Variants in TNXB observed in about 807,000 individuals in gnomAD.
The protein encoded by TNXB is tenascin XB.
In TNXB, 183 loss-of-function variants were observed where a neutral mutation model predicts 340.5. That is an observed-to-expected ratio of 0.54 (90% CI 0.48 to 0.61). The LOEUF is 0.61. Among genes scored for constraint, TNXB ranks in the 20% least tolerant of loss-of-function variants. The pLI, the probability that TNXB is intolerant of heterozygous loss-of-function variation, is 0.00. For synonymous variants in TNXB, 2,121 were observed against 2,314.5 expected (o/e 0.92, Z 2.40); for missense variants, 4,613 against 5,446.4 (o/e 0.85, Z 4.82).
chr6:32,043,934 G>A, intron 34 of TNXB, 42 bp from the exon 35 acceptor site: 1 of 1,612,868 alleles, frequency 6.2e-7, no homozygotes. Context: ...GGAACCCCAG[G>A]GCAGCTGGAG....
chr6:32,064,805 C>A lies in TNXB; in HGVS notation c.6841+16G>T. On this transcript the variant is annotated intron_variant, in intron 19 of 43. Transcript: ENST00000644971. The surrounding 1 kb of genome is among the most constrained non-coding windows in gnomAD (Gnocchi z 5.3). The stretch of plus-strand genomic sequence containing the variant: ...TCTAGTTCAGGGCAGGGCCCAGTGC[C>A]CTACTGCACACTCACCAGTTAAACC... The A allele has an allele frequency of 1.9e-6, 3 of 1,605,558 alleles. No homozygotes were observed. Among genetic ancestry groups the A allele is most frequent in the Non-Finnish European group, 2.5e-6 (3 of 1,176,742 alleles).
In TNXB at chr6:32,046,376, A is replaced by T. The variant is rs889563138; in HGVS notation, c.10405T>A (p.Trp3469Arg). 22 of 1,598,970 alleles carry T rather than the reference A, an allele frequency of 1.4e-5. No individual in the cohort carries two copies. The highest frequency in any genetic ancestry group is 1.9e-5 in the Non-Finnish European group (22 of 1,172,284). ...TCAAAGGGGCCCTGGGCTACCGTCC[A>T]GGACAGGCGCAGAGAGCTGGAGGTC... is the stretch of plus-strand genomic sequence containing the variant. Reference protein sequence around the residue: ...EETSSSLRLSWTVAQGPFDSF... With the variant: ...EETSSSLRLSRTVAQGPFDSF... The change falls in exon 31 of 44, where the codon TGG (tryptophan) becomes AGG (arginine). Residue 3469 changes from tryptophan (W) to arginine (R), a missense_variant. Trp to Arg is a moderately radical substitution (Grantham distance 101, BLOSUM62 -3). Around this residue, in one of 7 missense-constraint regions of TNXB, gnomAD observed 4,327 missense variants for 4,859.4 expected, o/e 0.89. Coordinates refer to ENST00000644971, the MANE Select transcript of TNXB (RefSeq NM_001365276.2). This position sits in a 1 kb window ranked among gnomAD's most constrained non-coding sequence, Gnocchi z 6.9.
In TNXB at chr6:32,047,866, C is replaced by G. The variant is rs769706169; in HGVS notation, c.10192G>C (p.Val3398Leu). The change falls in exon 30 of 44, where the codon GTG becomes CTG. Residue 3398 changes from valine to leucine, a missense_variant. By Grantham distance (32) the Val-to-Leu change is conservative. This residue lies in a region of TNXB where 4,327 missense variants were observed against 4,859.4 expected (regional missense o/e 0.89). Transcript: ENST00000644971. This position sits in a 1 kb window ranked among gnomAD's most constrained non-coding sequence, Gnocchi z 6.2. Reference sequence around the variant, plus strand: ...CGCTGGTTGGCTGCCACCGGCACCACCTGGAGCCGACCATCCTTATCCTTG... The same window carrying G: ...CGCTGGTTGGCTGCCACCGGCACCAGCTGGAGCCGACCATCCTTATCCTTG... ...QYKDKDGRLQVVPVAANQREV... is the reference protein window; with the variant it reads ...QYKDKDGRLQLVPVAANQREV... 1 of 1,612,258 alleles carries G rather than the reference C, an allele frequency of 6.2e-7. No individual in the cohort carries two copies.
In TNXB at chr6:32,052,461, A is replaced by AG. The variant is rs1351018853; in HGVS notation, c.9115+208_9115+209insC. On this transcript the variant is annotated intron_variant, in intron 26 of 43. Coordinates refer to ENST00000644971, the MANE Select transcript of TNXB (RefSeq NM_001365276.2). This position sits in a 1 kb window ranked among gnomAD's most constrained non-coding sequence, Gnocchi z 4.7. ...GCGAGACTCTATCTCAAAAAAAAAA[A>AG]AAAGAAAGAAAGAAAAAGAAAGAAA... 6.6e-6 allele frequency among the ~76,000 whole-genome samples: 1 copy of AG among 151,964 alleles called. No individual in the cohort carries two copies. Among genetic ancestry groups the AG allele is most frequent in the Non-Finnish European group, 1.5e-5 (1 of 67,974 alleles).
rs1780303145 is a variant in TNXB at position 32,095,840 on chromosome 6, C to T, written c.2013G>A (p.Val671=). 4 of 1,612,658 alleles carry T rather than the reference C, an allele frequency of 2.5e-6. No homozygotes were observed. Among genetic ancestry groups the T allele is most frequent in the Non-Finnish European group, 3.4e-6 (4 of 1,179,410 alleles). Reference sequence around the variant, plus strand: ...GCCCGCAGTCCTCACCGCCATAGCCCACGTGGCACAGGCACACTCCTTGCA... The same window carrying T: ...GCCCGCAGTCCTCACCGCCATAGCCTACGTGGCACAGGCACACTCCTTGCA... ...RCVQGVCLCH[V]GYGGEDCGQE... Residue 671 remains valine (V), a synonymous_variant, in exon 3 of 44, where the codon GTG becomes GTA. Transcript: ENST00000644971.
chr6:32,048,162 C>G, intron 29 of TNXB, 150 bp from the exon 30 acceptor site: 2 of 1,163,968 alleles, frequency 1.7e-6, no homozygotes, highest in Non-Finnish European at 2.4e-6. Context: ...GACAAGAAAG[C>G]AAGTGTCCCC....
At chr6:32,055,553 G>A (rs770211552) in intron 24 of TNXB, among the ~76,000 whole-genome samples, 4 of 152,092 alleles carry the variant, frequency 2.6e-5, no homozygotes, top group Non-Finnish European at 1.5e-5. Flanking sequence ...AGGAATCAGG[G>A]ACGCAGAAAA....
intron 4 of TNXB, 95 bp downstream of exon 4, chr6:32,094,981 C>T (rs1365828667): frequency 9.5e-7 from 1 of 1,051,504 alleles, no homozygotes; most frequent in Admixed American, 2.0e-5. Flanking sequence ...CATCTGGACT[C>T]AACCAATGAT....
In TNXB at chr6:32,069,190, C is replaced by G. The variant is rs527656615; in HGVS notation, c.5588-54G>C. The stretch of plus-strand genomic sequence containing the variant: ...TGGCTGGTGTGTCGCTGCACCCAGA[C>G]TCTCAGGAGGAGTGAGGGAGGAGAG... On this transcript the variant is annotated intron_variant, in intron 15 of 43. Transcript: ENST00000644971. The surrounding 1 kb of genome is among the most constrained non-coding windows in gnomAD (Gnocchi z 6.2). 6.5e-7 allele frequency: 1 copy of G among 1,530,800 alleles called. No individual in the cohort carries two copies. Among genetic ancestry groups the G allele is most frequent in the Admixed American group, 1.8e-5 (1 of 54,204 alleles). The allele number at this position is 1,530,800 out of a possible 1,614,324, so 94.8% of individuals were successfully genotyped here.
rs1779451007 is a variant in TNXB, at chr6:32,081,643, G to A, written c.3767C>T (p.Pro1256Leu). 1.3e-6 allele frequency: 2 copies of A among 1,592,976 alleles called. No individual in the cohort carries two copies. The highest frequency in any genetic ancestry group is 1.1e-5 in the South Asian group (1 of 87,416). ...CAGGAGGGGCTGCTCCAGGAACTCA[G>A]GGCGGGGGGGCTCCTCTTTCCTCTC... ...APERKEEPPR[P>L]EFLEQPLLGE... Residue 1256 changes from proline to leucine, a missense_variant, in exon 10 of 44, where the codon CCT (proline) becomes CTT (leucine). Coordinates refer to ENST00000644971, the MANE Select transcript of TNXB (RefSeq NM_001365276.2). The surrounding 1 kb of genome is among the most constrained non-coding windows in gnomAD (Gnocchi z 5.1).
At position 32,056,833 on chromosome 6, in the gene TNXB, C is replaced by T; in HGVS notation, c.7896G>A (p.Gly2632=). Residue 2632 remains glycine (G), a synonymous_variant, in exon 23 of 44, where the codon GGG becomes GGA. Coordinates refer to ENST00000644971, the MANE Select transcript of TNXB (RefSeq NM_001365276.2). Reference sequence around the variant, plus strand: ...GGGTGGCATCTGTCATGGTCAGCTCCCCCAGGCGAGGCTTGATGGGGGGCT... The same window carrying T: ...GGGTGGCATCTGTCATGGTCAGCTCTCCCAGGCGAGGCTTGATGGGGGGCT... The part of the protein sequence containing the change: ...TPEPPIKPRL[G]ELTMTDATPD... 1 of 1,612,984 alleles carries T rather than the reference C, an allele frequency of 6.2e-7. No homozygotes were observed. Among genetic ancestry groups the T allele is most frequent in the Non-Finnish European group, 8.5e-7 (1 of 1,179,800 alleles).
At chr6:32,044,162 AG>A (rs1240163300) in intron 33 of TNXB, 33 bp from the exon 34 acceptor site, 2 of 1,459,200 alleles carry the variant, frequency 1.4e-6, no homozygotes, top group South Asian at 2.5e-5. Context: ...TGACGCAGGC[AG>A]GGGCAGGGAG....
Position 32,084,134 on chromosome 6 carries a change from T to G in TNXB, c.3445+279A>C, listed in dbSNP as rs533985717. Among the ~76,000 whole-genome samples, 4 of 152,144 alleles carry G rather than the reference T, an allele frequency of 2.6e-5. No individual in the cohort carries two copies. Among genetic ancestry groups the G allele is most frequent in the South Asian group, 4.2e-4 (2 of 4,814 alleles). On this transcript the variant is annotated intron_variant, in intron 8 of 43. Coordinates refer to ENST00000644971, the MANE Select transcript of TNXB (RefSeq NM_001365276.2). The surrounding 1 kb of genome is among the most constrained non-coding windows in gnomAD (Gnocchi z 5.5). ...ACAGGAAGCCCTGAGACCAGGCCCT[T>G]TGGCACCCCCCACATGCCCTGTTCT...
At position 32,108,059 on chromosome 6, in the gene TNXB, G is replaced by A. The variant is rs4711287; in HGVS notation, c.-9+1122C>T. Among the ~76,000 whole-genome samples, 313 of 152,270 alleles carry A rather than the reference G, an allele frequency of 2.1e-3. 6 individuals are homozygous for A. In the East Asian group the frequency reaches 0.027, roughly 13 times the overall value. Reference sequence around the variant, plus strand: ...GAAAATGGTTAGGGGTGCAATGAGAGACAGGAAGGCAGTTTCTGGTCCTGC... The same window carrying A: ...GAAAATGGTTAGGGGTGCAATGAGAAACAGGAAGGCAGTTTCTGGTCCTGC... On this transcript the variant is annotated intron_variant, in intron 1 of 43. Coordinates refer to ENST00000644971, the MANE Select transcript of TNXB (RefSeq NM_001365276.2). This position sits in a 1 kb window ranked among gnomAD's most constrained non-coding sequence, Gnocchi z 4.8.
intron 1 of TNXB, among the ~76,000 whole-genome samples, chr6:32,105,976 G>T (rs901041598): frequency 6.6e-6 from 1 of 152,142 alleles, no homozygotes; most frequent in African/African-American, 2.4e-5. Flanking sequence ...TAGTGTGATG[G>T]ATCTTACTAA....
At chr6:32,100,405 G>A (rs570481351) in intron 1 of TNXB, among the ~76,000 whole-genome samples, 1 of 152,014 alleles carries the variant, frequency 6.6e-6, no homozygotes, top group Non-Finnish European at 1.5e-5. Context: ...GCACCCAGCC[G>A]CAAGATTTCT....
Position 32,095,796 on chromosome 6 carries a change from C to T in TNXB, c.2057G>A (p.Ser686Asn). 1 of 1,613,248 alleles carries T rather than the reference C, an allele frequency of 6.2e-7. No individual in the cohort carries two copies. The highest frequency in any genetic ancestry group is 1.3e-5 in the African/African-American group (1 of 75,050). Residue 686 changes from serine (S) to asparagine (N), a missense_variant, in exon 3 of 44, where the codon AGC (serine) becomes AAC (asparagine). Ser to Asn is a conservative substitution (Grantham distance 46, BLOSUM62 1). Coordinates refer to ENST00000644971, the MANE Select transcript of TNXB (RefSeq NM_001365276.2). ...GGGCCCGCAGCCTCCAGGGCAGGCG[C>T]TGGCTGGAGGCTCTTCCTGCCCGCA... ...EDCGQEEPPASACPGGCGPRE... is the reference protein window; with the variant it reads ...EDCGQEEPPANACPGGCGPRE...
Position 32,087,892 on chromosome 6 carries a change from C to A in TNXB, c.2779+893G>T, listed in dbSNP as rs111462811. On this transcript the variant is annotated intron_variant, in intron 6 of 43. Transcript: ENST00000644971. This position sits in a 1 kb window ranked among gnomAD's most constrained non-coding sequence, Gnocchi z 9.0. ...CCTTTCCTCTGCTGGCCTCGAGGGC[C>A]AAGGGGGCCGTGGGGGCCGCGGGGC... 1 of 298,006 alleles carries A rather than the reference C, an allele frequency of 3.4e-6. No individual in the cohort carries two copies. The highest frequency in any genetic ancestry group is 6.6e-6 in the Non-Finnish European group (1 of 151,094). 18.5% of individuals were successfully genotyped at this position (298,006 alleles called of 1,614,324 possible). A position where few individuals can be genotyped will look rare whatever the true frequency, so the allele number is the denominator to read the frequency against.
intron 1 of TNXB, among the ~76,000 whole-genome samples, chr6:32,101,688 G>C (rs539218646): frequency 2.0e-5 from 3 of 148,656 alleles, no homozygotes; most frequent in African/African-American, 7.5e-5. Flanking sequence ...GCCTCCCAAA[G>C]TTATTAGGAT....
Sources: allele counts gnomAD v4.1 joint callset (sites outside exome capture counted in the v4.1 genomes callset), GRCh38; gene constraint gnomAD v4.1.1; regional missense constraint gnomAD v4.1.1; non-coding constraint Gnocchi (gnomAD v3.1); transcripts MANE v1.5; gene names NCBI Gene and HGNC (gene_info 2026-07-23, HGNC 2026-07-21).